Variants in FBXO10 observed in about 807,000 individuals in gnomAD.
FBXO10 encodes the protein F-box only protein 10.
In FBXO10, 39 loss-of-function variants were observed where a neutral mutation model predicts 80.7. That is an observed-to-expected ratio of 0.48 (90% CI 0.37 to 0.63). FBXO10 has a LOEUF of 0.63. Ranked by LOEUF, FBXO10 falls within the 30% of genes least tolerant of loss-of-function variation. The pLI is 0.00. For synonymous variants in FBXO10, 449 were observed against 489.6 expected (o/e 0.92, Z 1.09); for missense variants, 1,025 against 1,269.0 (o/e 0.81, Z 2.92).
chr9:37,550,169 G>GTTTTTTTTTTTTTTTTTTTTT (rs74171511), intron 1 of FBXO10, among the ~76,000 whole-genome samples: 5 of 68,006 alleles, frequency 7.4e-5, no homozygotes, highest in East Asian at 7.6e-4. Flanking sequence ...GTCGTCTCAG[G>GTTTTTTTTTTTTTTTTTTTTT]TTTTTTTTTT....
intron 8 of FBXO10, 30 bp downstream of exon 8, chr9:37,521,539 C>T (rs1333220383): frequency 6.6e-7 from 1 of 1,524,176 alleles, no homozygotes; most frequent in South Asian, 1.3e-5. Flanking sequence ...ATGGAAGGTT[C>T]TTGAGCAGGG....
At chr9:37,519,113 G>GC (rs1361647526) in intron 8 of FBXO10, among the ~76,000 whole-genome samples, 2 of 152,030 alleles carry the variant, frequency 1.3e-5, no homozygotes, top group African/African-American at 4.8e-5. Flanking sequence ...GTTTCACCGT[G>GC]TTAGCCAGGA....
chr9:37,568,602 C>A (rs1046963342), intron 1 of FBXO10, among the ~76,000 whole-genome samples: 1 of 152,122 alleles, frequency 6.6e-6, no homozygotes, highest in Non-Finnish European at 1.5e-5. Flanking sequence ...AGTAAGACTC[C>A]AATCAAAGTT....
At chr9:37,531,685 C>A (rs1185362981) in intron 4 of FBXO10, among the ~76,000 whole-genome samples, 1 of 152,138 alleles carries the variant, frequency 6.6e-6, no homozygotes, top group Non-Finnish European at 1.5e-5. Context: ...TCTTTCTGGT[C>A]CTCCTCCTTA....
intron 8 of FBXO10, among the ~76,000 whole-genome samples, chr9:37,521,360 A>C (rs1182829189): frequency 6.6e-6 from 1 of 151,204 alleles, no homozygotes; most frequent in East Asian, 1.9e-4. Context: ...CTGGGAAGTG[A>C]GGAGCGCCTC....
At chr9:37,562,582 T>C (rs1040306279) in intron 1 of FBXO10, among the ~76,000 whole-genome samples, 2 of 152,224 alleles carry the variant, frequency 1.3e-5, no homozygotes, top group African/African-American at 4.8e-5. Context: ...AAACTTTGCA[T>C]CACTGCTTTG....
At chr9:37,556,299 A>C (rs1312208177) in intron 1 of FBXO10, among the ~76,000 whole-genome samples, 2 of 152,156 alleles carry the variant, frequency 1.3e-5, no homozygotes, top group Non-Finnish European at 2.9e-5. Flanking sequence ...TAGATCCTAA[A>C]GATTTTTTCC....
chr9:37,548,055 C>T (rs1239215772), intron 1 of FBXO10, among the ~76,000 whole-genome samples: 2 of 152,184 alleles, frequency 1.3e-5, no homozygotes, highest in Non-Finnish European at 2.9e-5. Context: ...TATATCTTGA[C>T]TGGTGTGTTA....
rs907856117 is a variant in FBXO10 at position 37,557,094 on chromosome 9, A to G, written c.-6-15320T>C. ...TACAGGGTGCCTACATTATTCCAAT[A>G]CTGGGTCTACGTGTCCATGCACTAT... On this transcript the variant is annotated intron_variant, in intron 1 of 10. Transcript: ENST00000432825. Among the ~76,000 whole-genome samples the G allele has an allele frequency of 6.6e-5, 10 of 152,322 alleles. No homozygotes were observed. In the East Asian group the frequency reaches 1.9e-3, roughly 29 times the overall value.
intron 1 of FBXO10, among the ~76,000 whole-genome samples, chr9:37,550,176 T>TG (rs1822159107): frequency 1.5e-5 from 1 of 67,572 alleles, no homozygotes; most frequent in Non-Finnish European, 2.7e-5. Flanking sequence ...CAGGTTTTTT[T>TG]TTTTTTTTTT....
In FBXO10 at chr9:37,521,794, G is replaced by A. The variant is rs200906830; in HGVS notation, c.1975C>T (p.His659Tyr). ...TAGCTGACGTGGTTGCTGGTGACAT[G>A]GGGGAGGCTGGACGACATCATCCAC... ...GVWMMSSSLP[H>Y]VTSNHVSYNG... Residue 659 changes from histidine (H) to tyrosine (Y), a missense_variant, in exon 8 of 11, where the codon CAT (histidine) becomes TAT (tyrosine). Around this residue, in one of 3 missense-constraint regions of FBXO10, gnomAD observed 478 missense variants for 667.8 expected, o/e 0.72. Transcript: ENST00000432825. The A allele has an allele frequency of 3.8e-4, 606 of 1,605,942 alleles. No homozygotes were observed. The highest frequency in any genetic ancestry group is 4.7e-4 in the Non-Finnish European group (551 of 1,178,500).
At chr9:37,555,065 G>GT (rs919264744) in intron 1 of FBXO10, among the ~76,000 whole-genome samples, 3 of 141,800 alleles carry the variant, frequency 2.1e-5, no homozygotes, top group African/African-American at 9.4e-5. Context: ...GTTTTTGTTT[G>GT]TTTTTTGCAG....
intron 1 of FBXO10, among the ~76,000 whole-genome samples, chr9:37,574,482 T>TAA (rs1399304844): frequency 6.6e-6 from 1 of 152,182 alleles, no homozygotes. Context: ...CTCAGAAATC[T>TAA]AAAAACAATA....
chr9:37,557,416 T>C (rs1285533838), intron 1 of FBXO10, among the ~76,000 whole-genome samples: 1 of 152,214 alleles, frequency 6.6e-6, no homozygotes, highest in African/African-American at 2.4e-5. Flanking sequence ...ATGTTGCTTT[T>C]CTCCTCACAA....
chr9:37,558,697 A>G (rs543794145), intron 1 of FBXO10, among the ~76,000 whole-genome samples: 26 of 152,270 alleles, frequency 1.7e-4, no homozygotes, highest in African/African-American at 6.0e-4. Context: ...TTAGGTGAAT[A>G]ATTAATGTAT....
At chr9:37,565,690 T>C (rs1420246044) in intron 1 of FBXO10, among the ~76,000 whole-genome samples, 2 of 152,244 alleles carry the variant, frequency 1.3e-5, no homozygotes, top group African/African-American at 4.8e-5. Flanking sequence ...ACTAAACTTA[T>C]GTGACAAATG....
chr9:37,525,162 T>A lies in FBXO10; in HGVS notation c.1717A>T (p.Ile573Phe). 6.4e-7 allele frequency: 1 copy of A among 1,562,480 alleles called. No individual in the cohort carries two copies. Among genetic ancestry groups the A allele is most frequent in the Non-Finnish European group, 8.7e-7 (1 of 1,153,214 alleles). Residue 573 changes from isoleucine to phenylalanine, a missense_variant, in exon 6 of 11, where the codon ATC becomes TTC. Transcript: ENST00000432825. ...ATGCCGGCAGCACGGCCCTTGAAGATGTGGTTCCCGCTAAAGTGGAAGGAA... is the reference window on the plus strand; with the variant it reads ...ATGCCGGCAGCACGGCCCTTGAAGAAGTGGTTCCCGCTAAAGTGGAAGGAA... ...HGNPVVSGNHIFKGRAAGIAV... is the reference protein window; with the variant it reads ...HGNPVVSGNHFFKGRAAGIAV...
intron 8 of FBXO10, 26 bp downstream of exon 8, chr9:37,521,542 GA>G: frequency 6.5e-7 from 1 of 1,532,646 alleles, no homozygotes. Flanking sequence ...GAAGGTTCTT[GA>G]GCAGGGGCTG....
intron 5 of FBXO10, among the ~76,000 whole-genome samples, chr9:37,525,831 G>A (rs774257854): frequency 1.3e-5 from 2 of 152,038 alleles, no homozygotes; most frequent in Admixed American, 6.6e-5. Context: ...GAGCCACCGC[G>A]CCTGGCCTTA....
Sources: gnomAD v4.1 joint callset for allele counts (sites outside exome capture counted in the v4.1 genomes callset) on GRCh38, gnomAD v4.1.1 for gene constraint, gnomAD v4.1.1 regional missense constraint, MANE v1.5 for transcripts, NCBI Gene and HGNC (gene_info 2026-07-23, HGNC 2026-07-21) for gene names.